RPS6KA1: variants seen among roughly 807,000 people sequenced by gnomAD.
The protein encoded by RPS6KA1 is ribosomal protein S6 kinase A1.
In RPS6KA1, 48 loss-of-function variants were observed where a neutral mutation model predicts 91.3. That is an observed-to-expected ratio of 0.53 (90% confidence interval 0.42 to 0.67). The LOEUF (loss-of-function observed/expected upper bound fraction) is 0.67. Among genes scored for constraint, RPS6KA1 ranks in the 30% least tolerant of loss-of-function variants. The pLI, the probability that RPS6KA1 is intolerant of heterozygous loss-of-function variation, is 0.00. For synonymous variants in RPS6KA1, 359 were observed against 384.7 expected (o/e 0.93, Z 0.78); for missense variants, 719 against 960.5 (o/e 0.75, Z 3.32).
chr1:26,547,108 T>C lies in RPS6KA1; in HGVS notation c.226-81T>C. The C allele has an allele frequency of 6.4e-7, 1 of 1,563,704 alleles. No individual in the cohort carries two copies. Among genetic ancestry groups the C allele is most frequent in the South Asian group, 1.1e-5 (1 of 89,952 alleles). On this transcript the variant is annotated intron_variant, in intron 3 of 21. Transcript: ENST00000374168. This position sits in a 1 kb window ranked among gnomAD's most constrained non-coding sequence, Gnocchi z 4.1. ...ACCCAGGGAGAGCAAAAAGGTCAGC[T>C]TGGGGCTCAGAGAAGATAGAGGTCA...
At chr1:26,553,789 G>C in intron 7 of RPS6KA1, 1 of 259,436 alleles carries the variant, frequency 3.9e-6, no homozygotes, top group African/African-American at 2.2e-5. Context: ...AAGCCCTATA[G>C]AATTTTCCCT....
chr1:26,544,794 C>T (rs909486143), intron 2 of RPS6KA1, among the ~76,000 whole-genome samples: 1 of 151,904 alleles, frequency 6.6e-6, no homozygotes, highest in Non-Finnish European at 1.5e-5. Flanking sequence ...GTTTATGTCC[C>T]CTTCTGTCAT....
chr1:26,536,891 A>G lies in RPS6KA1; in HGVS notation c.64-34A>G, dbSNP rs1035223258. 4 of 1,612,916 alleles carry G rather than the reference A, an allele frequency of 2.5e-6. No individual in the cohort carries two copies. In the African/African-American group the frequency reaches 5.3e-5, roughly 22 times the overall value. ...CTTTCTCCCAAGCGTGTAAGTTCTG[A>G]CAGTGCTCCCCCAATCTCCTTTCTC... On this transcript the variant is annotated intron_variant, in intron 1 of 21. Coordinates refer to ENST00000374168, the MANE Select transcript of RPS6KA1 (RefSeq NM_002953.4).
At position 26,551,607 on chromosome 1, in the gene RPS6KA1, G is replaced by A. The variant is rs777758400; in HGVS notation, c.389-37G>A. 2.6e-5 allele frequency: 41 copies of A among 1,605,540 alleles called. No individual in the cohort carries two copies. Among genetic ancestry groups the A allele is most frequent in the Admixed American group, 6.7e-5 (4 of 59,994 alleles). On this transcript the variant is annotated intron_variant, in intron 5 of 21. Coordinates refer to ENST00000374168, the MANE Select transcript of RPS6KA1 (RefSeq NM_002953.4). The surrounding 1 kb of genome is among the most constrained non-coding windows in gnomAD (Gnocchi z 4.5). The stretch of plus-strand genomic sequence containing the variant: ...GGCCGGAGAAGCAGATCATAAGGCC[G>A]CGCCGACTCTACCATTGCCTTTCTC...
Position 26,554,827 on chromosome 1 carries a change from G to C in RPS6KA1, c.756+89G>C. 1 of 1,482,780 alleles carries C rather than the reference G, an allele frequency of 6.7e-7. No homozygotes were observed. The highest frequency in any genetic ancestry group is 1.4e-5 in the African/African-American group (1 of 71,282). 91.9% of individuals were successfully genotyped at this position (1,482,780 alleles called of 1,614,324 possible). ...ACAGTGAGGGGGTTGATCATTTCTA[G>C]GGCTCTCCCCGTCTCCTCTCACAGC... On this transcript the variant is annotated intron_variant, in intron 9 of 21. Transcript: ENST00000374168. The surrounding 1 kb of genome is among the most constrained non-coding windows in gnomAD (Gnocchi z 4.6).
chr1:26,550,180 A>ATTTT (rs749615792), intron 4 of RPS6KA1, among the ~76,000 whole-genome samples: 1 of 106,284 alleles, frequency 9.4e-6, no homozygotes, highest in East Asian at 2.9e-4. Flanking sequence ...CGCCTGGCCA[A>ATTTT]TTTTTTTTTT....
rs1243974554 is a variant in RPS6KA1 at position 26,561,180 on chromosome 1, T to G, written c.1431+46T>G. 1 of 1,512,354 alleles carries G rather than the reference T, an allele frequency of 6.6e-7. No individual in the cohort carries two copies. The highest frequency in any genetic ancestry group is 2.3e-5 in the East Asian group (1 of 44,250). The allele number at this position is 1,512,354 out of a possible 1,614,324, so 93.7% of individuals were successfully genotyped here. A position where few individuals can be genotyped will look rare whatever the true frequency, so the allele number is the denominator to read the frequency against. On this transcript the variant is annotated intron_variant, in intron 16 of 21. Transcript: ENST00000374168. This position sits in a 1 kb window ranked among gnomAD's most constrained non-coding sequence, Gnocchi z 5.7. Reference sequence around the variant, plus strand: ...CTGGGGTGGGGACCAGGAACTCAACTCTCAGGATTTGTCTCAGGATTGCCA... The same window carrying G: ...CTGGGGTGGGGACCAGGAACTCAACGCTCAGGATTTGTCTCAGGATTGCCA...
chr1:26,532,562 C>G (rs1342142004), intron 1 of RPS6KA1, among the ~76,000 whole-genome samples: 1 of 152,202 alleles, frequency 6.6e-6, no homozygotes, highest in African/African-American at 2.4e-5. Context: ...CTCGTCCAGT[C>G]TTTGCCGAGG....
intron 1 of RPS6KA1, chr1:26,531,240 A>G (rs1376723045): frequency 1.3e-5 from 2 of 156,774 alleles, no homozygotes; most frequent in East Asian, 1.8e-4. Flanking sequence ...GATTCCTGCC[A>G]TGGGGATTTT....
At chr1:26,549,618 C>A (rs892608616) in intron 4 of RPS6KA1, among the ~76,000 whole-genome samples, 5 of 149,310 alleles carry the variant, frequency 3.3e-5, no homozygotes, top group African/African-American at 1.2e-4. Context: ...AAGGGGTAAT[C>A]AATATTGTGA....
Position 26,570,926 on chromosome 1 carries a change from C to T in RPS6KA1, c.1591-523C>T, listed in dbSNP as rs561990195. Among the ~76,000 whole-genome samples the T allele has an allele frequency of 1.6e-4, 24 of 152,246 alleles. No individual in the cohort carries two copies. The East Asian group carries it at 4.4e-3, about 28-fold the overall frequency. Reference sequence around the variant, plus strand: ...TCACTTGAGGTCAGGAGTTTGAGACCAGCCTGACCAACATGGTGAAACCCC... The same window carrying T: ...TCACTTGAGGTCAGGAGTTTGAGACTAGCCTGACCAACATGGTGAAACCCC... On this transcript the variant is annotated intron_variant, in intron 17 of 21. Coordinates refer to ENST00000374168, the MANE Select transcript of RPS6KA1 (RefSeq NM_002953.4).
At chr1:26,545,575 T>A (rs1447628386) in intron 2 of RPS6KA1, among the ~76,000 whole-genome samples, 1 of 152,160 alleles carries the variant, frequency 6.6e-6, no homozygotes, top group African/African-American at 2.4e-5. Context: ...GGTACCTGTT[T>A]GCTATTGGGT....
At position 26,561,854 on chromosome 1, in the gene RPS6KA1, G is replaced by A. The variant is rs182400515; in HGVS notation, c.1590+191G>A. Among the ~76,000 whole-genome samples the A allele has an allele frequency of 5.3e-3, 808 of 152,206 alleles. 3 individuals carry two copies. Among genetic ancestry groups the A allele is most frequent in the Middle Eastern group, 0.027 (8 of 294 alleles). ...GGCCAATTGTGAAAGGGAAGGTATGGAAAGTTATTCAGTATCTACTGTGTG... is the reference window on the plus strand; with the variant it reads ...GGCCAATTGTGAAAGGGAAGGTATGAAAAGTTATTCAGTATCTACTGTGTG... On this transcript the variant is annotated intron_variant, in intron 17 of 21. Coordinates refer to ENST00000374168, the MANE Select transcript of RPS6KA1 (RefSeq NM_002953.4). The surrounding 1 kb of genome is among the most constrained non-coding windows in gnomAD (Gnocchi z 5.7).
At chr1:26,543,293 G>T (rs1224604768) in intron 2 of RPS6KA1, 7 of 1,201,998 alleles carry the variant, frequency 5.8e-6, no homozygotes, top group Admixed American at 2.0e-5. Context: ...TTTGGGGGTG[G>T]CTCTGTCCCT....
chr1:26,554,387 C>A lies in RPS6KA1; in HGVS notation c.613+136C>A. On this transcript the variant is annotated intron_variant, in intron 8 of 21. Coordinates refer to ENST00000374168, the MANE Select transcript of RPS6KA1 (RefSeq NM_002953.4). The surrounding 1 kb of genome is among the most constrained non-coding windows in gnomAD (Gnocchi z 4.6). ...ACTTGGAAGTGGTCAAAAACTCAGG[C>A]CTCAGACTTGGAACACCCTCAGCTG... The A allele has an allele frequency of 8.7e-7, 1 of 1,150,164 alleles. No homozygotes were observed. 71.2% of individuals were successfully genotyped at this position (1,150,164 alleles called of 1,614,324 possible). A position where few individuals can be genotyped will look rare whatever the true frequency, so the allele number is the denominator to read the frequency against.
At chr1:26,572,102 C>T in intron 19 of RPS6KA1, 74 bp from the exon 20 acceptor site, 4 of 1,348,688 alleles carry the variant, frequency 3.0e-6, no homozygotes, top group Non-Finnish European at 4.3e-6. Flanking sequence ...GGGGGAGACA[C>T]AGTCTCCCAC....
In RPS6KA1 at chr1:26,546,902, C is replaced by T; in HGVS notation, c.144C>T (p.His48=). The change falls in exon 3 of 22, where the codon CAC becomes CAT. Residue 48 remains histidine (H), a synonymous_variant. Transcript: ENST00000374168. ...TCCTCAAGGAGATCTCCATCACGCA[C>T]CACGTCAAGGCTGGCTCTGAGAAGG... ...EGVLKEISIT[H]HVKAGSEKAD... The T allele has an allele frequency of 6.2e-7, 1 of 1,614,148 alleles. No homozygotes were observed. Among genetic ancestry groups the T allele is most frequent in the South Asian group, 1.1e-5 (1 of 91,086 alleles).
Position 26,561,746 on chromosome 1 carries a change from G to A in RPS6KA1, c.1590+83G>A. 1 of 1,421,126 alleles carries A rather than the reference G, an allele frequency of 7.0e-7. No individual in the cohort carries two copies. 88.0% of individuals were successfully genotyped at this position (1,421,126 alleles called of 1,614,324 possible). On this transcript the variant is annotated intron_variant, in intron 17 of 21. Transcript: ENST00000374168. This position sits in a 1 kb window ranked among gnomAD's most constrained non-coding sequence, Gnocchi z 5.7. Reference sequence around the variant, plus strand: ...GAACATGAACCACCTGCTGGCCCAGGAATGGCAGCCTCCAGCTAGCCAAAC... The same window carrying A: ...GAACATGAACCACCTGCTGGCCCAGAAATGGCAGCCTCCAGCTAGCCAAAC...
In RPS6KA1 at chr1:26,558,278, A is replaced by T. The variant is rs1182576154; in HGVS notation, c.1085-529A>T. 6.6e-6 allele frequency among the ~76,000 whole-genome samples: 1 copy of T among 152,078 alleles called. No homozygotes were observed. Among genetic ancestry groups the T allele is most frequent in the Non-Finnish European group, 1.5e-5 (1 of 68,010 alleles). The stretch of plus-strand genomic sequence containing the variant: ...AGGAGTGGATTATCTAGTTAAAGGG[A>T]ACAGTGTGTGCAAGGGCTCAGAGAC... On this transcript the variant is annotated intron_variant, in intron 13 of 21. Transcript: ENST00000374168. This position sits in a 1 kb window ranked among gnomAD's most constrained non-coding sequence, Gnocchi z 4.0.
Sources: gnomAD v4.1 joint callset for allele counts (sites outside exome capture counted in the v4.1 genomes callset) on GRCh38, gnomAD v4.1.1 for gene constraint, Gnocchi (gnomAD v3.1) non-coding constraint, MANE v1.5 for transcripts, NCBI Gene and HGNC (gene_info 2026-07-23, HGNC 2026-07-21) for gene names.